The following COG5 variants were observed in gnomAD, a reference collection of about 807,000 sequenced individuals.
COG5 encodes the protein conserved oligomeric Golgi complex subunit 5.
In COG5, 86 loss-of-function variants were observed where a neutral mutation model predicts 110.4. The observed-to-expected ratio is 0.78, with a 90% confidence interval of 0.65 to 0.93. The LOEUF is 0.93. Ranked by LOEUF, COG5 falls within the 40% of genes least tolerant of loss-of-function variation. COG5 has a pLI of 0.00. For synonymous variants in COG5, 360 were observed against 334.6 expected (o/e 1.08, Z -0.83); for missense variants, 1,077 against 987.0 (o/e 1.09, Z -1.22).
At chr7:107,484,404 A>G (rs936498414) in intron 6 of COG5, among the ~76,000 whole-genome samples, 1 of 152,152 alleles carries the variant, frequency 6.6e-6, no homozygotes, top group Non-Finnish European at 1.5e-5. Context: ...TGAATTCTAC[A>G]TACTTTCTAC....
At chr7:107,238,432 G>C (rs1801366484) in intron 17 of COG5, among the ~76,000 whole-genome samples, 1 of 152,036 alleles carries the variant, frequency 6.6e-6, no homozygotes, top group Admixed American at 6.6e-5. Flanking sequence ...TCCATAACTT[G>C]GCCATTGTAA....
At chr7:107,504,069 TG>T (rs969692047) in intron 6 of COG5, among the ~76,000 whole-genome samples, 4 of 152,160 alleles carry the variant, frequency 2.6e-5, no homozygotes, top group African/African-American at 9.7e-5. Context: ...ATCCTTGTCT[TG>T]TTCCAGTTCT....
Position 107,203,399 on chromosome 7 carries a change from C to A in COG5, c.*117G>T. The A allele has an allele frequency of 1.3e-6, 1 of 766,618 alleles. No individual in the cohort carries two copies. The highest frequency in any genetic ancestry group is 2.3e-6 in the Non-Finnish European group (1 of 429,220). 47.5% of individuals were successfully genotyped at this position (766,618 alleles called of 1,614,324 possible). ...GTAAATAAACGTCGATAGGAAATAC[C>A]GAACAATCAATTACATTCTTAAAAT... On this transcript the variant is annotated 3_prime_UTR_variant, in exon 22 of 22. Coordinates refer to ENST00000297135, the MANE Select transcript of COG5 (RefSeq NM_006348.5).
At chr7:107,427,039 T>C (rs1186984283) in intron 6 of COG5, among the ~76,000 whole-genome samples, 2 of 152,068 alleles carry the variant, frequency 1.3e-5, no homozygotes, top group African/African-American at 4.8e-5. Flanking sequence ...ATAATATGGG[T>C]TTCGAGGTTT....
chr7:107,228,430 G>T (rs1800528012), intron 19 of COG5, among the ~76,000 whole-genome samples: 1 of 151,906 alleles, frequency 6.6e-6, no homozygotes, highest in Admixed American at 6.6e-5. Context: ...AGCCAGCCAG[G>T]GCAACATTTT....
intron 16 of COG5, among the ~76,000 whole-genome samples, chr7:107,253,991 T>C (rs1451461026): frequency 6.6e-6 from 1 of 152,184 alleles, no homozygotes; most frequent in Non-Finnish European, 1.5e-5. Context: ...TTATCACCAC[T>C]GGGCTCCTCA....
intron 5 of COG5, among the ~76,000 whole-genome samples, chr7:107,532,387 G>A (rs1193460006): frequency 1.3e-5 from 2 of 152,174 alleles, no homozygotes; most frequent in Non-Finnish European, 2.9e-5. Context: ...CACATTCACA[G>A]AACTAGGTTT....
intron 7 of COG5, among the ~76,000 whole-genome samples, chr7:107,402,877 T>C (rs1791540842): frequency 6.6e-6 from 1 of 152,240 alleles, no homozygotes; most frequent in African/African-American, 2.4e-5. Flanking sequence ...TCACTATAAA[T>C]CTTTCCGATA....
intron 19 of COG5, among the ~76,000 whole-genome samples, chr7:107,214,980 C>T (rs966446144): frequency 1.3e-5 from 2 of 149,258 alleles, no homozygotes; most frequent in Non-Finnish European, 3.0e-5. Flanking sequence ...ATACAAATTA[C>T]AAAATGATGT....
At chr7:107,395,466 T>C (rs1790916404) in intron 7 of COG5, among the ~76,000 whole-genome samples, 1 of 147,422 alleles carries the variant, frequency 6.8e-6, no homozygotes, top group Non-Finnish European at 1.5e-5. Flanking sequence ...CAATCCTAAC[T>C]ACTAAAAAGC....
At chr7:107,398,051 G>A (rs1316445511) in intron 7 of COG5, among the ~76,000 whole-genome samples, 1 of 151,858 alleles carries the variant, frequency 6.6e-6, no homozygotes, top group East Asian at 1.9e-4. Context: ...GAAAACATGA[G>A]ACAAAAACTT....
intron 6 of COG5, among the ~76,000 whole-genome samples, chr7:107,504,248 G>A (rs1798823089): frequency 6.6e-6 from 1 of 152,030 alleles, no homozygotes; most frequent in African/African-American, 2.4e-5. Flanking sequence ...TGCATCTATT[G>A]AGATGATCAT....
chr7:107,516,144 AAT>A (rs1291897004), intron 6 of COG5, among the ~76,000 whole-genome samples: 2 of 152,218 alleles, frequency 1.3e-5, no homozygotes, highest in Non-Finnish European at 2.9e-5. Context: ...AAGTACAATA[AAT>A]ATGTCTGCAC....
At chr7:107,248,283 C>A in intron 17 of COG5, 113 bp downstream of exon 17, 2 of 749,596 alleles carry the variant, frequency 2.7e-6, no homozygotes. Context: ...AATGCCATCA[C>A]AAAAGGAACA....
intron 5 of COG5, among the ~76,000 whole-genome samples, chr7:107,529,325 T>C (rs2129158657): frequency 6.6e-6 from 1 of 152,298 alleles, no homozygotes; most frequent in East Asian, 1.9e-4. Context: ...TTGGAAGTTA[T>C]CACATTGCCT....
intron 19 of COG5, among the ~76,000 whole-genome samples, chr7:107,225,382 A>G (rs996448853): frequency 6.6e-6 from 1 of 152,248 alleles, no homozygotes. Context: ...TTCTGACTAT[A>G]AAAATAAAAT....
At chr7:107,287,832 T>C (rs369896088) in intron 12 of COG5, among the ~76,000 whole-genome samples, 3 of 152,188 alleles carry the variant, frequency 2.0e-5, no homozygotes, top group Non-Finnish European at 4.4e-5. Flanking sequence ...CAGTACTTCA[T>C]TTCTTTTTAT....
chr7:107,394,342 T>C (rs1790837036), intron 7 of COG5, among the ~76,000 whole-genome samples: 1 of 151,752 alleles, frequency 6.6e-6, no homozygotes, highest in East Asian at 1.9e-4. Flanking sequence ...TTTCAGAATA[T>C]GGCACAATCG....
intron 6 of COG5, among the ~76,000 whole-genome samples, chr7:107,496,172 G>A (rs1476636572): frequency 6.6e-6 from 1 of 151,956 alleles, no homozygotes; most frequent in Non-Finnish European, 1.5e-5. Context: ...CAGTCTATGA[G>A]GGCCAGCATT....
Sources: allele counts gnomAD v4.1 joint callset (sites outside exome capture counted in the v4.1 genomes callset), GRCh38; gene constraint gnomAD v4.1.1; transcripts MANE v1.5; gene names NCBI Gene and HGNC (gene_info 2026-07-23, HGNC 2026-07-21).